Variants in PARD3B observed in about 807,000 individuals in gnomAD.
PARD3B encodes par-3 family cell polarity regulator beta.
Under a neutral mutation model 130.2 loss-of-function variants are expected in PARD3B, and 103 were observed. The ratio of observed to expected loss-of-function variants is 0.79; its 90% CI spans 0.67 to 0.93. The LOEUF (loss-of-function observed/expected upper bound fraction) is 0.93, where lower values mean the gene tolerates loss of function less well. PARD3B is among the 40% of genes least tolerant of loss of function. The probability of loss-of-function intolerance (pLI) is 0.00; values close to 1 mark genes in which losing one functional copy is unlikely to be tolerated. For synonymous variants in PARD3B, 583 were observed against 553.2 expected, an observed-to-expected ratio of 1.05 and a Z score of -0.76; for missense variants, 1,609 against 1,499.2, an observed-to-expected ratio of 1.07 and a Z score of -1.21.
At position 205,530,440 on chromosome 2, in the gene PARD3B, A is replaced by G. The variant is rs1175419410; in HGVS notation, c.3181-22884A>G. ...TTTATGGTTGCTGGAAAATAATTTA[A>G]ATGTTTGTTGATTCGTTATTGTCTT... On this transcript the variant is annotated intron_variant, in intron 21 of 22. Transcript: ENST00000406610. This position sits in a 1 kb window ranked among gnomAD's most constrained non-coding sequence, Gnocchi z 4.7. 2.0e-5 allele frequency among the ~76,000 whole-genome samples: 3 copies of G among 152,074 alleles called. No homozygotes were observed. Among genetic ancestry groups the G allele is most frequent in the Non-Finnish European group, 4.4e-5 (3 of 67,994 alleles).
intron 2 of PARD3B, among the ~76,000 whole-genome samples, chr2:204,881,717 A>ATG (rs3067763): frequency 0.019 from 2,884 of 152,288 alleles, 63 homozygotes; most frequent in East Asian, 0.11. Context: ...CTGAAGCTCT[A>ATG]TGTGTCTTGG....
rs368207358 is a variant in PARD3B at position 205,440,680 on chromosome 2, A to C, written c.3044+8A>C. On this transcript the variant is annotated splice_region_variant and intron_variant, in intron 20 of 22. Coordinates refer to ENST00000406610, the MANE Select transcript of PARD3B (RefSeq NM_001302769.2). The surrounding 1 kb of genome is among the most constrained non-coding windows in gnomAD (Gnocchi z 4.2). ...ACTGGTTCCAGCTGACAGGTAATAA[A>C]CTTAGTGAAAGATAAATGTAGCTTT... 2.6e-5 allele frequency: 42 copies of C among 1,602,610 alleles called. No homozygotes were observed. Among genetic ancestry groups the C allele is most frequent in the Non-Finnish European group, 3.5e-5 (41 of 1,170,276 alleles).
At chr2:205,099,382 A>G (rs1262956305) in intron 4 of PARD3B, among the ~76,000 whole-genome samples, 1 of 152,198 alleles carries the variant, frequency 6.6e-6, no homozygotes, top group Non-Finnish European at 1.5e-5. Flanking sequence ...CTGATTCTTC[A>G]TAATCAGGGT....
intron 2 of PARD3B, among the ~76,000 whole-genome samples, chr2:204,936,644 C>T (rs377000985): frequency 2.6e-4 from 39 of 152,182 alleles, no homozygotes; most frequent in African/African-American, 8.9e-4. Context: ...TCATGTAGAA[C>T]CAGGATTTGA....
chr2:205,508,447 C>T (rs2050458808), intron 21 of PARD3B, among the ~76,000 whole-genome samples: 1 of 152,008 alleles, frequency 6.6e-6, no homozygotes, highest in African/African-American at 2.4e-5. Context: ...TGGCATGCAT[C>T]TGTGGTCCCA....
rs1184360730 is a variant in PARD3B, at chr2:205,619,822, ACT to A, written c.*4012_*4013del. 1 of 151,746 alleles carries A rather than the reference ACT, an allele frequency of 6.6e-6. No individual in the cohort carries two copies. Among genetic ancestry groups the A allele is most frequent in the Non-Finnish European group, 1.5e-5 (1 of 67,938 alleles). The allele number at this position is 151,746 out of a possible 1,614,324, so 9.4% of individuals were successfully genotyped here. A position where few individuals can be genotyped will look rare whatever the true frequency, so the allele number is the denominator to read the frequency against. Reference sequence around the variant, plus strand: ...TACAGGAAATGAACCAACCCCAAAGACTCTTCTAACCTGTCTCCTGACTGGGC... The same window carrying A: ...TACAGGAAATGAACCAACCCCAAAGACTTCTAACCTGTCTCCTGACTGGGC... On this transcript the variant is annotated 3_prime_UTR_variant, in exon 23 of 23. Coordinates refer to ENST00000406610, the MANE Select transcript of PARD3B (RefSeq NM_001302769.2).
intron 2 of PARD3B, among the ~76,000 whole-genome samples, chr2:204,900,420 A>C (rs2046812908): frequency 6.6e-6 from 1 of 152,126 alleles, no homozygotes; most frequent in South Asian, 2.1e-4. Flanking sequence ...AGTCTTCAGT[A>C]TGTCAGTTGC....
intron 21 of PARD3B, among the ~76,000 whole-genome samples, chr2:205,546,733 A>C (rs374355355): frequency 5.5e-4 from 83 of 152,154 alleles, no homozygotes; most frequent in Non-Finnish European, 1.1e-3. Context: ...TCTTGTAAGA[A>C]TATTTGTACC....
chr2:204,996,814 G>A (rs1226943429), intron 3 of PARD3B, among the ~76,000 whole-genome samples: 2 of 147,722 alleles, frequency 1.4e-5, no homozygotes, highest in Non-Finnish European at 3.0e-5. Flanking sequence ...TCTGAAAAGC[G>A]CAATATTCGG....
intron 2 of PARD3B, among the ~76,000 whole-genome samples, chr2:204,755,200 T>C (rs2040614892): frequency 6.6e-6 from 1 of 152,066 alleles, no homozygotes; most frequent in African/African-American, 2.4e-5. Flanking sequence ...GTGCCATAAT[T>C]TAGGGGAAGC....
intron 19 of PARD3B, among the ~76,000 whole-genome samples, chr2:205,423,254 G>A (rs2047033473): frequency 6.6e-6 from 1 of 152,196 alleles, no homozygotes; most frequent in African/African-American, 2.4e-5. Context: ...GCGGTAGAGG[G>A]AGGAAGACCA....
rs184641269 is a variant in PARD3B, at chr2:204,593,001, G to T, written c.120+46882G>T. On this transcript the variant is annotated intron_variant, in intron 1 of 22. Transcript: ENST00000406610. The stretch of plus-strand genomic sequence containing the variant: ...TGAATAAATTCTATTGTATGGATAT[G>T]CCACATTTTGTTTATGCATTCATCT... 1.4e-3 allele frequency among the ~76,000 whole-genome samples: 214 copies of T among 152,230 alleles called. 2 individuals are homozygous for T. In the South Asian group the frequency reaches 0.024, roughly 17 times the overall value.
intron 3 of PARD3B, among the ~76,000 whole-genome samples, chr2:204,998,436 GTGTGTGTATATA>G (rs1415002392): frequency 2.6e-4 from 5 of 19,086 alleles, no homozygotes; most frequent in Non-Finnish European, 3.9e-4. Flanking sequence ...GTATATATAT[GTGTGTGTATATA>G]TATGTGTATA....
chr2:205,450,132 C>T (rs2048045959), intron 20 of PARD3B, among the ~76,000 whole-genome samples: 1 of 152,220 alleles, frequency 6.6e-6, no homozygotes, highest in African/African-American at 2.4e-5. Context: ...CAGTGTTAGG[C>T]TCAATAAATG....
chr2:205,035,825 ATATC>A (rs201043417), intron 3 of PARD3B, among the ~76,000 whole-genome samples: 12,774 of 37,736 alleles, frequency 0.34, 1,974 homozygotes, highest in South Asian at 0.38. Context: ...ATATATCTAT[ATATC>A]TATATATATA....
intron 20 of PARD3B, among the ~76,000 whole-genome samples, chr2:205,498,688 T>C (rs901680765): frequency 1.3e-5 from 2 of 152,182 alleles, no homozygotes; most frequent in African/African-American, 4.8e-5. Flanking sequence ...TGCTTTCTCA[T>C]TGCTTTACTT....
intron 2 of PARD3B, among the ~76,000 whole-genome samples, chr2:204,789,910 AC>A (rs1162804141): frequency 1.4e-5 from 2 of 146,388 alleles, no homozygotes; most frequent in Non-Finnish European, 3.0e-5. Context: ...TTGCTCTGTC[AC>A]CCAGGCTGGA....
intron 3 of PARD3B, among the ~76,000 whole-genome samples, chr2:205,028,821 A>G (rs1266944113): frequency 6.6e-6 from 1 of 152,206 alleles, no homozygotes; most frequent in Non-Finnish European, 1.5e-5. Flanking sequence ...TCAGTAATCA[A>G]TTCAGTAAAG....
intron 21 of PARD3B, among the ~76,000 whole-genome samples, chr2:205,543,649 G>A (rs1269537239): frequency 6.6e-6 from 1 of 152,184 alleles, no homozygotes; most frequent in Non-Finnish European, 1.5e-5. Flanking sequence ...GTGACCCTTA[G>A]GCAAGTCTCT....
Sources: allele counts gnomAD v4.1 joint callset (sites outside exome capture counted in the v4.1 genomes callset), GRCh38; gene constraint gnomAD v4.1.1; non-coding constraint Gnocchi (gnomAD v3.1); transcripts MANE v1.5; gene names NCBI Gene and HGNC (gene_info 2026-07-23, HGNC 2026-07-21).